KLHL31: variants seen among roughly 807,000 people sequenced by gnomAD.
The protein encoded by KLHL31 is kelch like family member 31.
Under a neutral mutation model 47.1 loss-of-function variants are expected in KLHL31, and 32 were observed. That is an observed-to-expected ratio of 0.68 (90% CI 0.51 to 0.91). The LOEUF (loss-of-function observed/expected upper bound fraction) is 0.91, where lower values mean the gene tolerates loss of function less well. Among genes scored for constraint, KLHL31 ranks in the 40% least tolerant of loss-of-function variants. KLHL31 has a pLI of 0.00. For missense variants in KLHL31, 797 were observed against 819.3 expected, an observed-to-expected ratio of 0.97 and a Z score of 0.33; for synonymous variants, 330 against 325.1, an observed-to-expected ratio of 1.01 and a Z score of -0.16.
chr6:53,658,154 T>C (rs1425706405), intron 1 of KLHL31, among the ~76,000 whole-genome samples: 7 of 152,190 alleles, frequency 4.6e-5, no homozygotes, highest in Admixed American at 1.3e-4. Flanking sequence ...CAGTACAAGA[T>C]GTAATTTATA....
In KLHL31 at chr6:53,655,287, T is replaced by G; in HGVS notation, c.-15A>C. 1 of 1,512,254 alleles carries G rather than the reference T, an allele frequency of 6.6e-7. No homozygotes were observed. The allele number at this position is 1,512,254 out of a possible 1,614,324, so 93.7% of individuals were successfully genotyped here. ...TTGGGTGCCATGTTGGCAAATACAC[T>G]GTTACAGGCAAGAGCTTGCTAAAAA... On this transcript the variant is annotated 5_prime_UTR_variant, in exon 2 of 3. Transcript: ENST00000370905.
intron 1 of KLHL31, among the ~76,000 whole-genome samples, chr6:53,664,407 T>C (rs1764690037): frequency 6.6e-6 from 1 of 152,214 alleles, no homozygotes; most frequent in South Asian, 2.1e-4. Context: ...TATGTTTATG[T>C]GTACTTTCCA....
intron 2 of KLHL31, chr6:53,652,547 G>C (rs897285589): frequency 1.7e-6 from 1 of 601,826 alleles, no homozygotes; most frequent in South Asian, 2.0e-5. Context: ...CCTCGCCCCC[G>C]TTTATAAGCC....
At chr6:53,664,985 T>G (rs997093272) in intron 1 of KLHL31, among the ~76,000 whole-genome samples, 12 of 152,290 alleles carry the variant, frequency 7.9e-5, no homozygotes, top group African/African-American at 2.6e-4. Flanking sequence ...ATAAAATATA[T>G]GTCAGCATAA....
Position 53,652,251 on chromosome 6 carries a change from T to C in KLHL31, c.1252A>G (p.Asn418Asp), listed in dbSNP as rs749439632. ...CCGCCCGCGGCGTACACGAGCCCGT[T>C]GAACACGCTCAGGCTGAAGTGCGTG... is the stretch of plus-strand genomic sequence containing the variant. The part of the protein sequence containing the change: ...KRTHFSLSVF[N>D]GLVYAAGGRN... Residue 418 changes from asparagine (N) to aspartate (D), a missense_variant, in exon 3 of 3, where the codon AAC becomes GAC. Physicochemically the swap from Asn to Asp is conservative, Grantham distance 23. Coordinates refer to ENST00000370905, the MANE Select transcript of KLHL31 (RefSeq NM_001003760.5). The C allele has an allele frequency of 1.9e-5, 31 of 1,614,030 alleles. No individual in the cohort carries two copies. The highest frequency in any genetic ancestry group is 2.6e-5 in the Non-Finnish European group (31 of 1,180,056).
At chr6:53,655,335 T>C (rs1047134260) in intron 1 of KLHL31, 30 bp from the exon 2 acceptor site, 2 of 1,154,956 alleles carry the variant, frequency 1.7e-6, no homozygotes, top group South Asian at 1.7e-5. Context: ...AACATGGTTT[T>C]GTTTTAATTG....
In KLHL31 at chr6:53,651,948, C is replaced by T; in HGVS notation, c.1555G>A (p.Gly519Ser). 6.3e-7 allele frequency: 1 copy of T among 1,592,404 alleles called. No individual in the cohort carries two copies. The highest frequency in any genetic ancestry group is 8.5e-7 in the Non-Finnish European group (1 of 1,175,814). The change falls in exon 3 of 3, where the codon GGC (glycine) becomes AGC (serine). Residue 519 changes from glycine to serine, a missense_variant. By Grantham distance (56) the Gly-to-Ser change is moderately conservative. Transcript: ENST00000370905. ...CCGCGCGGCCCCAGCTGGCTGCCGCCCATCACGTACACTCTGTCGCTCAGC... is the reference window on the plus strand; with the variant it reads ...CCGCGCGGCCCCAGCTGGCTGCCGCTCATCACGTACACTCTGTCGCTCAGC... ...VTLSDRVYVM[G>S]GSQLGPRGER...
rs966480936 is a variant in KLHL31, at chr6:53,649,731, AC to A, written c.*1866del. 5.2e-4 allele frequency: 79 copies of A among 152,150 alleles called. No individual in the cohort carries two copies. The highest frequency in any genetic ancestry group is 1.8e-3 in the African/African-American group (76 of 41,534). The allele number at this position is 152,150 out of a possible 1,614,324, so 9.4% of individuals were successfully genotyped here. On this transcript the variant is annotated 3_prime_UTR_variant, in exon 3 of 3. Transcript: ENST00000370905. ...TATGATCTGTAACCCACAATAAAACACCCTTTTCTCCAAAAATTAACCATAT... is the reference window on the plus strand; with the variant it reads ...TATGATCTGTAACCCACAATAAAACACCTTTTCTCCAAAAATTAACCATAT...
chr6:53,652,468 G>C (rs1371419583), intron 2 of KLHL31, 138 bp from the exon 3 acceptor site: 29 of 1,024,802 alleles, frequency 2.8e-5, no homozygotes, highest in Non-Finnish European at 3.6e-5. Context: ...TCACCTGGAG[G>C]CTGGAGTTTC....
In KLHL31 at chr6:53,654,384, G is replaced by A. The variant is rs1764522775; in HGVS notation, c.889C>T (p.Leu297Phe). Residue 297 changes from leucine (L) to phenylalanine (F), a missense_variant, in exon 2 of 3, where the codon CTT becomes TTT. Transcript: ENST00000370905. ...TGCAATGTGTTTTGATGATATGGAA[G>A]CAAGTGGTAGTTCATAGCATCTACG... ...LLVDAMNYHL[L>F]PYHQNTLQSR... is the part of the protein sequence containing the mutation. 6.2e-7 allele frequency: 1 copy of A among 1,614,204 alleles called. No homozygotes were observed.
At chr6:53,660,446 T>G (rs75584530) in intron 1 of KLHL31, among the ~76,000 whole-genome samples, 7,449 of 152,222 alleles carry the variant, frequency 0.049, 263 homozygotes, top group Non-Finnish European at 0.077. Flanking sequence ...AAATCACTCT[T>G]TAGAGGTAAC....
chr6:53,652,204 C>T lies in KLHL31; in HGVS notation c.1299G>A (p.Leu433=), dbSNP rs749816698. Reference sequence around the variant, plus strand: ...AGGGCACGTAGCACTCCAGCGAGGCCAGGCTTCCTTCTGCGTTGCGGCCGC... The same window carrying T: ...AGGGCACGTAGCACTCCAGCGAGGCTAGGCTTCCTTCTGCGTTGCGGCCGC... ...AAGGRNAEGS[L]ASLECYVPST... Residue 433 remains leucine (L), a synonymous_variant, in exon 3 of 3, where the codon CTG becomes CTA. Transcript: ENST00000370905. 54 of 1,612,944 alleles carry T rather than the reference C, an allele frequency of 3.3e-5. 1 individual carries two copies. In the Middle Eastern group the frequency reaches 4.3e-3, roughly 128 times the overall value.
rs1764451198 is a variant in KLHL31, at chr6:53,650,742, AGG to A, written c.*854_*855del. On this transcript the variant is annotated 3_prime_UTR_variant, in exon 3 of 3. Transcript: ENST00000370905. ...CCAGGTTGGTGTAGTTTTTAGGGTG[AGG>A]GTAAGGCTCCCAGGGTATGTGAAAT... is the stretch of plus-strand genomic sequence containing the variant. 1 of 152,158 alleles carries A rather than the reference AGG, an allele frequency of 6.6e-6. No individual in the cohort carries two copies. Among genetic ancestry groups the A allele is most frequent in the Non-Finnish European group, 1.5e-5 (1 of 68,024 alleles). The allele number at this position is 152,158 out of a possible 1,614,324, so 9.4% of individuals were successfully genotyped here.
rs1315266252 is a variant in KLHL31 at position 53,651,301 on chromosome 6, A to C, written c.*297T>G. The C allele has an allele frequency of 3.8e-6, 1 of 266,278 alleles. No individual in the cohort carries two copies. Among genetic ancestry groups the C allele is most frequent in the Non-Finnish European group, 7.1e-6 (1 of 141,828 alleles). 16.5% of individuals were successfully genotyped at this position (266,278 alleles called of 1,614,324 possible). On this transcript the variant is annotated 3_prime_UTR_variant, in exon 3 of 3. Transcript: ENST00000370905. Reference sequence around the variant, plus strand: ...TGTAACCGCTATACATTTAGGAAACATGCCGCCTTGGGAGAGTGCCTATAA... The same window carrying C: ...TGTAACCGCTATACATTTAGGAAACCTGCCGCCTTGGGAGAGTGCCTATAA...
At chr6:53,657,608 T>TGTGTG (rs1554165227) in intron 1 of KLHL31, among the ~76,000 whole-genome samples, 2 of 96,330 alleles carry the variant, frequency 2.1e-5, no homozygotes, top group Non-Finnish European at 4.5e-5. Flanking sequence ...TTTGTTTTTG[T>TGTGTG]TTTGTGTGTG....
chr6:53,652,134 A>T lies in KLHL31; in HGVS notation c.1369T>A (p.Cys457Ser). 1 of 1,602,536 alleles carries T rather than the reference A, an allele frequency of 6.2e-7. No individual in the cohort carries two copies. The highest frequency in any genetic ancestry group is 8.5e-7 in the Non-Finnish European group (1 of 1,178,364). The change falls in exon 3 of 3, where the codon TGC becomes AGC. Residue 457 changes from cysteine (C) to serine (S), a missense_variant. Physicochemically the swap from Cys to Ser is moderately radical, Grantham distance 112 (BLOSUM62 -1). Coordinates refer to ENST00000370905, the MANE Select transcript of KLHL31 (RefSeq NM_001003760.5). The part of the protein sequence containing the change: ...QPKTPLEVAR[C>S]CHASAVADGR... ...TCGGCGACCGCGCTAGCGTGGCAGC[A>T]GCGCGCCACCTCCAGGGGCGTCTTC...
At chr6:53,664,853 C>T (rs1489883060) in intron 1 of KLHL31, among the ~76,000 whole-genome samples, 1 of 152,178 alleles carries the variant, frequency 6.6e-6, no homozygotes, top group Non-Finnish European at 1.5e-5. Flanking sequence ...GCTCATCAGC[C>T]CTACCTCCAG....
At chr6:53,656,313 G>A (rs903054949) in intron 1 of KLHL31, among the ~76,000 whole-genome samples, 5 of 152,070 alleles carry the variant, frequency 3.3e-5, no homozygotes, top group Admixed American at 3.3e-4. Flanking sequence ...CTGAGGGAGT[G>A]AGTATAAAAG....
At chr6:53,664,324 G>T (rs1764688546) in intron 1 of KLHL31, among the ~76,000 whole-genome samples, 1 of 152,164 alleles carries the variant, frequency 6.6e-6, no homozygotes, top group African/African-American at 2.4e-5. Context: ...CTTGTATCTG[G>T]CATTCCTGAT....
Sources: gnomAD v4.1 joint callset for allele counts (sites outside exome capture counted in the v4.1 genomes callset) on GRCh38, gnomAD v4.1.1 for gene constraint, MANE v1.5 for transcripts, NCBI Gene and HGNC (gene_info 2026-07-23, HGNC 2026-07-21) for gene names.